Variants in MTM1 observed in about 807,000 individuals in gnomAD.
MTM1 encodes myotubularin.
In MTM1, 9 loss-of-function variants were observed where a neutral mutation model predicts 52.1. The observed-to-expected ratio is 0.17, with a 90% confidence interval of 0.10 to 0.30. MTM1 has a LOEUF of 0.30. MTM1 is among the 10% of genes least tolerant of loss of function. The pLI is 1.00. For synonymous variants in MTM1, 136 were observed against 163.8 expected, an observed-to-expected ratio of 0.83 and a Z score of 1.29; for missense variants, 277 against 470.7, an observed-to-expected ratio of 0.59 and a Z score of 3.81.
upstream of MTM1, among the ~76,000 whole-genome samples, chrX:150,563,431 C>CAGTCTCCTG (rs2038224998): frequency 9.8e-6 from 1 of 102,389 alleles, no homozygotes; most frequent in Admixed American, 1.1e-4. Flanking sequence ...TCTCCTGACT[C>CAGTCTCCTG]AGTCTCCTGA....
chrX:150,670,121 G>A (rs1370312680), intron 14 of MTM1, among the ~76,000 whole-genome samples: 3 of 112,356 alleles, frequency 2.7e-5, no homozygotes, highest in Non-Finnish European at 3.8e-5. Flanking sequence ...TGACCTGGGT[G>A]TGATTACCTA....
chrX:150,607,429 C>T (rs893588700), intron 4 of MTM1, among the ~76,000 whole-genome samples: 5 of 111,996 alleles, frequency 4.5e-5, no homozygotes, highest in African/African-American at 1.6e-4. Flanking sequence ...CTATTGACTC[C>T]TTACTTCTTG....
At position 150,614,705 on chromosome X, in the gene MTM1, AGAT is replaced by A; in HGVS notation, c.342+7_342+9del. 1 of 977,731 alleles carries A rather than the reference AGAT, an allele frequency of 1.0e-6. No homozygotes were observed. The highest frequency in any genetic ancestry group is 1.5e-6 in the Non-Finnish European group (1 of 684,346). The allele number at this position is 977,731 out of a possible 1,213,427, so 80.6% of individuals were successfully genotyped here. ...GTCTAGATATTACTTGTAAAGTAAG[AGAT>A]TCGATACTTTCTTATGCAAAGAACA... On this transcript the variant is annotated splice_region_variant and intron_variant, in intron 5 of 14. Transcript: ENST00000370396.
chrX:150,645,659 T>G (rs200299841), intron 8 of MTM1, 24 bp from the exon 9 acceptor site: 85 of 1,202,973 alleles, frequency 7.1e-5, no homozygotes, highest in Non-Finnish European at 8.1e-5. Flanking sequence ...TCTTGATAGC[T>G]TAAACTTTCT....
chrX:150,666,702 G>T (rs782644200), intron 14 of MTM1, among the ~76,000 whole-genome samples: 2 of 111,852 alleles, frequency 1.8e-5, no homozygotes. Context: ...TCAGTAAATG[G>T]TGCTGGGACT....
At chrX:150,633,182 G>A (rs1167607654) in intron 6 of MTM1, among the ~76,000 whole-genome samples, 1 of 111,982 alleles carries the variant, frequency 8.9e-6, no homozygotes, top group African/African-American at 3.2e-5. Context: ...TGGTCCTTTC[G>A]TGAACAAATA....
At chrX:150,623,083 C>T (rs932103240) in intron 6 of MTM1, among the ~76,000 whole-genome samples, 15 of 111,838 alleles carry the variant, frequency 1.3e-4, no homozygotes, top group Admixed American at 1.3e-3. Flanking sequence ...TCTGAAGCCC[C>T]TTTGTAGGGC....
At chrX:150,568,297 G>A (rs1212347586), upstream of MTM1, among the ~76,000 whole-genome samples, 1 of 113,244 alleles carries the variant, frequency 8.8e-6, no homozygotes, top group African/African-American at 3.2e-5. Context: ...AGCCGCCTCC[G>A]CCCGGCGCCC....
chrX:150,628,259 A>C (rs1023727943), intron 6 of MTM1, among the ~76,000 whole-genome samples: 1 of 111,652 alleles, frequency 9.0e-6, no homozygotes, highest in Non-Finnish European at 1.9e-5. Context: ...TCTCTGTTAT[A>C]TCCAGCATTT....
intron 10 of MTM1, among the ~76,000 whole-genome samples, chrX:150,656,780 GA>G (rs782418709): frequency 3.6e-5 from 4 of 111,159 alleles, no homozygotes; most frequent in Admixed American, 9.6e-5. Context: ...AAATTTACAA[GA>G]AAAAAACAAC....
At chrX:150,594,321 G>A (rs1268395647) in intron 2 of MTM1, among the ~76,000 whole-genome samples, 1 of 110,457 alleles carries the variant, frequency 9.1e-6, no homozygotes, top group Non-Finnish European at 1.9e-5. Flanking sequence ...TGTTGGCCAT[G>A]CTGGTCTTGA....
At chrX:150,592,874 C>T (rs1271418511) in intron 2 of MTM1, among the ~76,000 whole-genome samples, 197 bp downstream of exon 2, 1 of 105,042 alleles carries the variant, frequency 9.5e-6, no homozygotes, top group African/African-American at 3.5e-5. Flanking sequence ...GACAGAGTCT[C>T]GCTCCGTAGC....
intron 5 of MTM1, among the ~76,000 whole-genome samples, chrX:150,618,024 C>T (rs2039414471): frequency 9.0e-6 from 1 of 111,425 alleles, no homozygotes; most frequent in African/African-American, 3.3e-5. Context: ...TTTAAAGGAG[C>T]TTATTTGGTT....
At chrX:150,612,622 A>T (rs1557413004) in intron 4 of MTM1, among the ~76,000 whole-genome samples, 1 of 111,242 alleles carries the variant, frequency 9.0e-6, no homozygotes, top group East Asian at 2.8e-4. Flanking sequence ...ATGTGGGAGG[A>T]TCACTCGAGC....
At chrX:150,660,767 C>T (rs1212209588) in intron 13 of MTM1, among the ~76,000 whole-genome samples, 1 of 111,472 alleles carries the variant, frequency 9.0e-6, no homozygotes, top group African/African-American at 3.3e-5. Flanking sequence ...TGCTTCCACT[C>T]ATGGCAGAAG....
At chrX:150,615,849 TTTTTTGGTGGTG>T (rs2039375465) in intron 5 of MTM1, among the ~76,000 whole-genome samples, 1 of 111,937 alleles carries the variant, frequency 8.9e-6, no homozygotes, top group African/African-American at 3.2e-5. Context: ...ACCTCAGCTT[TTTTTTGGTGGTG>T]TTTTAATTCG....
At chrX:150,611,426 T>G (rs1327449694) in intron 4 of MTM1, among the ~76,000 whole-genome samples, 2 of 112,395 alleles carry the variant, frequency 1.8e-5, no homozygotes, top group East Asian at 5.5e-4. Context: ...GAGCCAGTTT[T>G]GTCCGCCTTA....
chrX:150,647,262 A>G (rs1409183562), intron 9 of MTM1, among the ~76,000 whole-genome samples: 1 of 104,047 alleles, frequency 9.6e-6, no homozygotes, highest in African/African-American at 3.7e-5. Context: ...AATAGATATG[A>G]TATAGCATTA....
At chrX:150,583,657 T>A (rs1468009971) in intron 1 of MTM1, among the ~76,000 whole-genome samples, 4 of 38,060 alleles carry the variant, frequency 1.1e-4, no homozygotes, top group African/African-American at 2.2e-4. Flanking sequence ...TTTATATATA[T>A]TATATATAAT....
Sources: allele counts gnomAD v4.1 joint callset (sites outside exome capture counted in the v4.1 genomes callset), GRCh38; gene constraint gnomAD v4.1.1; transcripts MANE v1.5; gene names NCBI Gene and HGNC (gene_info 2026-07-23, HGNC 2026-07-21).